The following PALM2AKAP2 variants were observed in gnomAD, a reference collection of about 807,000 sequenced individuals.
PALM2AKAP2 encodes PALM2-AKAP2 fusion protein.
PALM2AKAP2 carries 37 observed loss-of-function variants against 71.5 expected under a neutral mutation model. The observed-to-expected ratio is 0.52, with a 90% CI of 0.40 to 0.68. The LOEUF is 0.68. Among genes scored for constraint, PALM2AKAP2 ranks in the 30% least tolerant of loss-of-function variants. The pLI is 0.00. For missense variants in PALM2AKAP2, 1,224 were observed against 1,191.8 expected (o/e 1.03, Z -0.40); for synonymous variants, 468 against 478.8 (o/e 0.98, Z 0.29).
At chr9:110,120,539 G>A (rs961640535) in intron 1 of PALM2AKAP2, among the ~76,000 whole-genome samples, 2 of 152,224 alleles carry the variant, frequency 1.3e-5, no homozygotes, top group Non-Finnish European at 2.9e-5. Flanking sequence ...GTCTTGCTCT[G>A]TTGCCCAGGC....
At chr9:109,842,609 A>C (rs1474361486) in intron 1 of PALM2AKAP2, among the ~76,000 whole-genome samples, 1 of 152,250 alleles carries the variant, frequency 6.6e-6, no homozygotes, top group Non-Finnish European at 1.5e-5. Flanking sequence ...TGGCAGAGTT[A>C]ACACTTCACT....
chr9:109,662,518 A>C (rs377076695), intron 1 of PALM2AKAP2, among the ~76,000 whole-genome samples: 5 of 152,158 alleles, frequency 3.3e-5, no homozygotes, highest in East Asian at 1.9e-4. Context: ...GGATGAAGCC[A>C]ACTTGATCAT....
chr9:110,147,143 C>T (rs539582539), intron 2 of PALM2AKAP2, among the ~76,000 whole-genome samples: 7 of 150,892 alleles, frequency 4.6e-5, no homozygotes, highest in South Asian at 2.1e-4. Flanking sequence ...CCCAGCTACT[C>T]GGGAGGCTGA....
At chr9:109,813,078 A>G (rs1016258364) in intron 1 of PALM2AKAP2, among the ~76,000 whole-genome samples, 5 of 152,268 alleles carry the variant, frequency 3.3e-5, no homozygotes, top group African/African-American at 9.6e-5. Context: ...GCAGGTCTGC[A>G]CAATTTAACA....
chr9:109,773,964 A>T (rs777062217), intron 1 of PALM2AKAP2, among the ~76,000 whole-genome samples: 1 of 135,954 alleles, frequency 7.4e-6, no homozygotes, highest in East Asian at 2.1e-4. Context: ...GTAGGAGCTG[A>T]AGCTAGGCTT....
In PALM2AKAP2 at chr9:110,090,161, A is replaced by G. The variant is rs117045107; in HGVS notation, c.156+41306A>G. ...AACCGGAGAAGTCGGGCCGGTTCAC[A>G]TTGCAGCCTGTGTGCTTCCTGGGGC... On this transcript the variant is annotated intron_variant, in intron 1 of 3. Coordinates refer to ENST00000374525, the Ensembl canonical transcript of PALM2AKAP2. 1,550 of 323,704 alleles carry G rather than the reference A, an allele frequency of 4.8e-3. 5 individuals are homozygous for G. The highest frequency in any genetic ancestry group is 7.5e-3 in the Non-Finnish European group (1,205 of 160,880). 20.1% of individuals were successfully genotyped at this position (323,704 alleles called of 1,614,324 possible).
chr9:109,730,629 T>C (rs754429724), intron 1 of PALM2AKAP2, among the ~76,000 whole-genome samples: 2 of 152,204 alleles, frequency 1.3e-5, no homozygotes, highest in African/African-American at 2.4e-5. Context: ...GCTTAAGAAA[T>C]CTAAGACAAT....
chr9:109,893,195 A>G (rs1216490560), intron 3 of PALM2AKAP2, among the ~76,000 whole-genome samples: 8 of 152,126 alleles, frequency 5.3e-5, no homozygotes, highest in Admixed American at 3.9e-4. Context: ...CATCTCCCCA[A>G]CAACTGTCAG....
At chr9:109,844,958 T>TGTGTGTGC (rs1361967426) in intron 1 of PALM2AKAP2, among the ~76,000 whole-genome samples, 1 of 148,804 alleles carries the variant, frequency 6.7e-6, no homozygotes, top group East Asian at 1.9e-4. Context: ...TGTGTGTGTG[T>TGTGTGTGC]GCATGTGCAC....
intron 1 of PALM2AKAP2, among the ~76,000 whole-genome samples, chr9:110,061,666 T>C (rs1000187533): frequency 2.0e-5 from 3 of 149,976 alleles, no homozygotes; most frequent in African/African-American, 7.3e-5. Flanking sequence ...TGTACATATA[T>C]ATATGTGTAC....
At chr9:110,122,050 C>T (rs1835498653) in intron 1 of PALM2AKAP2, among the ~76,000 whole-genome samples, 1 of 152,224 alleles carries the variant, frequency 6.6e-6, no homozygotes. Context: ...AAAGTCGTCT[C>T]TTGCTGCCTT....
intron 1 of PALM2AKAP2, among the ~76,000 whole-genome samples, chr9:109,785,799 T>TATCACTTG (rs1430885757): frequency 3.9e-5 from 6 of 152,172 alleles, no homozygotes; most frequent in Admixed American, 2.6e-4. Flanking sequence ...AGCAAAACCG[T>TATCACTTG]ATCACTTGTG....
chr9:109,962,476 A>G (rs1194445692), intron 6 of PALM2AKAP2, among the ~76,000 whole-genome samples: 1 of 152,096 alleles, frequency 6.6e-6, no homozygotes, highest in African/African-American at 2.4e-5. Flanking sequence ...AGTAGTTGGG[A>G]AAAAAATCAT....
chr9:109,979,470 T>A (rs1487564998), intron 6 of PALM2AKAP2, among the ~76,000 whole-genome samples: 3 of 152,228 alleles, frequency 2.0e-5, no homozygotes. Context: ...CAGTAGCCCC[T>A]GTCTCTACCT....
intron 1 of PALM2AKAP2, among the ~76,000 whole-genome samples, chr9:109,695,307 A>T (rs1019450472): frequency 6.6e-6 from 1 of 152,130 alleles, no homozygotes; most frequent in Non-Finnish European, 1.5e-5. Context: ...TTTCTTTTGG[A>T]TGTATTCCCA....
At chr9:109,658,497 T>C (rs1827341999) in intron 1 of PALM2AKAP2, among the ~76,000 whole-genome samples, 1 of 152,210 alleles carries the variant, frequency 6.6e-6, no homozygotes. Flanking sequence ...CACATGAGTG[T>C]CCGTACATAA....
At chr9:110,055,502 G>A (rs192157469) in intron 1 of PALM2AKAP2, among the ~76,000 whole-genome samples, 41 of 152,154 alleles carry the variant, frequency 2.7e-4, no homozygotes, top group African/African-American at 9.4e-4. Flanking sequence ...TGGGGAAGGG[G>A]CCTCTTTTGG....
intron 1 of PALM2AKAP2, among the ~76,000 whole-genome samples, chr9:109,653,126 T>C (rs74866176): frequency 0.039 from 5,884 of 152,322 alleles, 172 homozygotes; most frequent in African/African-American, 0.085. Context: ...CTATGACTAA[T>C]GCTGCCTCCG....
Position 110,038,107 on chromosome 9 carries a change from A to G in PALM2AKAP2, c.582+22068A>G, listed in dbSNP as rs183216192. 2.0e-3 allele frequency among the ~76,000 whole-genome samples: 299 copies of G among 152,308 alleles called. 1 individual carries two copies. The highest frequency in any genetic ancestry group is 7.0e-3 in the African/African-American group (289 of 41,566). On this transcript the variant is annotated intron_variant, in intron 7 of 9. Coordinates refer to the PALM2AKAP2 transcript ENST00000302798. ...ATCCTAGCACTTTGGAAGGCCCTCA[A>G]GGTGGCAGGATCGCTTGAGCCCAGG... is the stretch of plus-strand genomic sequence containing the variant.
Sources: allele counts gnomAD v4.1 joint callset (sites outside exome capture counted in the v4.1 genomes callset), GRCh38; gene constraint gnomAD v4.1.1; transcripts MANE v1.5; gene names NCBI Gene and HGNC (gene_info 2026-07-23, HGNC 2026-07-21).